The following ARHGAP24 variants were observed in gnomAD, a reference collection of about 807,000 sequenced individuals.
ARHGAP24 encodes rho GTPase-activating protein 24.
Under a neutral mutation model 76.4 loss-of-function variants are expected in ARHGAP24, and 50 were observed. The ratio of observed to expected loss-of-function variants is 0.65; its 90% CI spans 0.52 to 0.83. ARHGAP24 has a LOEUF of 0.83. ARHGAP24 is among the 40% of genes least tolerant of loss of function. ARHGAP24 has a pLI of 0.00. For missense variants in ARHGAP24, 930 were observed against 914.2 expected (o/e 1.02, Z -0.22); for synonymous variants, 345 against 323.3 (o/e 1.07, Z -0.72).
At chr4:85,487,365 A>G (rs1342689421) in intron 1 of ARHGAP24, among the ~76,000 whole-genome samples, 8 of 115,190 alleles carry the variant, frequency 6.9e-5, no homozygotes, top group Admixed American at 1.2e-4. Flanking sequence ...ATATAAATAT[A>G]TAAATATATA....
chr4:85,556,633 T>C (rs757994595), intron 1 of ARHGAP24, among the ~76,000 whole-genome samples: 1 of 152,062 alleles, frequency 6.6e-6, no homozygotes, highest in Non-Finnish European at 1.5e-5. Flanking sequence ...GGCAGGTTAA[T>C]CATATTGGGG....
intron 5 of ARHGAP24, among the ~76,000 whole-genome samples, chr4:85,952,943 G>A (rs764264962): frequency 2.6e-5 from 4 of 152,052 alleles, no homozygotes; most frequent in Admixed American, 6.6e-5. Context: ...GTTTTGAGGG[G>A]ACAAAAATGA....
intron 2 of ARHGAP24, among the ~76,000 whole-genome samples, chr4:85,584,663 G>C (rs1727771872): frequency 6.6e-6 from 1 of 151,780 alleles, no homozygotes; most frequent in Non-Finnish European, 1.5e-5. Flanking sequence ...GAAAAATATA[G>C]GTATAAAAAT....
intron 2 of ARHGAP24, among the ~76,000 whole-genome samples, chr4:85,576,393 G>A (rs1027870143): frequency 4.6e-5 from 7 of 151,264 alleles, no homozygotes; most frequent in Non-Finnish European, 8.8e-5. Flanking sequence ...TCGCGCCACT[G>A]CACTCCAGCC....
At chr4:85,692,296 A>C (rs1723693816) in intron 2 of ARHGAP24, among the ~76,000 whole-genome samples, 1 of 152,150 alleles carries the variant, frequency 6.6e-6, no homozygotes, top group African/African-American at 2.4e-5. Context: ...GAATCCAATT[A>C]CTATGTGCCT....
At chr4:85,920,605 G>A (rs1735666823) in intron 3 of ARHGAP24, among the ~76,000 whole-genome samples, 1 of 152,088 alleles carries the variant, frequency 6.6e-6, no homozygotes, top group African/African-American at 2.4e-5. Context: ...CCTACAGAAT[G>A]GGAGAAAATT....
At chr4:85,731,145 C>T (rs1304932072) in intron 3 of ARHGAP24, among the ~76,000 whole-genome samples, 4 of 151,920 alleles carry the variant, frequency 2.6e-5, no homozygotes, top group African/African-American at 9.7e-5. Flanking sequence ...GGATTCACAC[C>T]CATCTGCGCC....
intron 4 of ARHGAP24, among the ~76,000 whole-genome samples, chr4:85,938,951 T>C (rs572197556): frequency 6.6e-6 from 1 of 152,320 alleles, no homozygotes; most frequent in African/African-American, 2.4e-5. Context: ...TCTTCCTCCA[T>C]TGCTGTTTTC....
chr4:85,598,794 C>A, intron 2 of ARHGAP24, among the ~76,000 whole-genome samples: 1 of 148,158 alleles, frequency 6.7e-6, no homozygotes, highest in Non-Finnish European at 1.5e-5. Context: ...TAATTGCAGA[C>A]TGAAAAAAAC....
chr4:85,709,425 G>A (rs1219523283), intron 2 of ARHGAP24, among the ~76,000 whole-genome samples: 1 of 151,882 alleles, frequency 6.6e-6, no homozygotes, highest in African/African-American at 2.4e-5. Flanking sequence ...ATATTAAAAT[G>A]AAAACAAAAC....
intron 2 of ARHGAP24, among the ~76,000 whole-genome samples, chr4:85,714,595 T>C (rs1724665568): frequency 6.6e-6 from 1 of 152,156 alleles, no homozygotes; most frequent in African/African-American, 2.4e-5. Context: ...TTTTGTGTTT[T>C]TATTAGCTGA....
At chr4:85,894,642 A>T (rs1376662953) in intron 3 of ARHGAP24, among the ~76,000 whole-genome samples, 1 of 152,170 alleles carries the variant, frequency 6.6e-6, no homozygotes, top group Non-Finnish European at 1.5e-5. Context: ...CAGGATGAGG[A>T]TGCAAAGGCA....
chr4:85,811,119 T>C (rs1485781283), intron 3 of ARHGAP24, among the ~76,000 whole-genome samples: 1 of 152,242 alleles, frequency 6.6e-6, no homozygotes, highest in Non-Finnish European at 1.5e-5. Flanking sequence ...TTGAACTACA[T>C]GGCTACTAGC....
chr4:85,875,950 C>T (rs527574384), intron 3 of ARHGAP24, among the ~76,000 whole-genome samples: 19 of 151,876 alleles, frequency 1.3e-4, no homozygotes, highest in East Asian at 3.9e-4. Context: ...ACTATGTTGG[C>T]CAGGCTGGTC....
rs12504653 is a variant in ARHGAP24, at chr4:85,764,289, G to T, written c.268+42317G>T. ...TCTGCTTTTCTATCTGCTATAGTGT[G>T]AGGGCTCTCGTGTGGCAACATTTTA... On this transcript the variant is annotated intron_variant, in intron 3 of 9. Transcript: ENST00000395184. Among the ~76,000 whole-genome samples, 716 of 152,154 alleles carry T rather than the reference G, an allele frequency of 4.7e-3. 19 individuals carry two copies. Among genetic ancestry groups the T allele is most frequent in the Admixed American group, 0.033 (511 of 15,266 alleles).
At chr4:85,579,107 ATTCTC>A (rs1727503479) in intron 2 of ARHGAP24, among the ~76,000 whole-genome samples, 1 of 152,160 alleles carries the variant, frequency 6.6e-6, no homozygotes, top group African/African-American at 2.4e-5. Context: ...GACTTGAAGA[ATTCTC>A]TTTGCAAAAC....
At chr4:85,827,431 G>A (rs1729768467) in intron 3 of ARHGAP24, among the ~76,000 whole-genome samples, 1 of 148,792 alleles carries the variant, frequency 6.7e-6, no homozygotes, top group Admixed American at 6.7e-5. Context: ...GGATGTCTGG[G>A]CAATTAGAAT....
At chr4:85,666,055 T>G (rs944352696) in intron 2 of ARHGAP24, among the ~76,000 whole-genome samples, 86 of 152,262 alleles carry the variant, frequency 5.6e-4, no homozygotes, top group African/African-American at 1.6e-3. Flanking sequence ...GAATCTGAAT[T>G]TTGGCCTGCC....
At chr4:85,553,150 C>T (rs62315626) in intron 1 of ARHGAP24, among the ~76,000 whole-genome samples, 2,630 of 152,078 alleles carry the variant, frequency 0.017, 36 homozygotes, top group South Asian at 0.052. Flanking sequence ...TTTGTGGTCT[C>T]GCTGGCTTCA....
Sources: allele counts gnomAD v4.1 joint callset (sites outside exome capture counted in the v4.1 genomes callset), GRCh38; gene constraint gnomAD v4.1.1; transcripts MANE v1.5; gene names NCBI Gene and HGNC (gene_info 2026-07-23, HGNC 2026-07-21).